HS3ST5: variants seen among roughly 807,000 people sequenced by gnomAD.
The protein encoded by HS3ST5 is heparan sulfate-glucosamine 3-sulfotransferase 5, also known as heparan sulfate glucosamine 3-O-sulfotransferase 5.
HS3ST5 carries 10 observed loss-of-function variants against 25.4 expected under a neutral mutation model. The ratio of observed to expected loss-of-function variants is 0.39; its 90% CI spans 0.24 to 0.67. HS3ST5 has a LOEUF of 0.67. Among genes scored for constraint, HS3ST5 ranks in the 30% least tolerant of loss-of-function variants. HS3ST5 has a pLI of 0.44. For missense variants in HS3ST5, 324 were observed against 420.7 expected (o/e 0.77, Z 2.01); for synonymous variants, 170 against 162.4 (o/e 1.05, Z -0.36).
At chr6:114,176,095 A>G (rs1779711233) in intron 2 of HS3ST5, among the ~76,000 whole-genome samples, 1 of 152,246 alleles carries the variant, frequency 6.6e-6, no homozygotes. Context: ...CACAGTGTAT[A>G]GTCTCCATCA....
At chr6:114,250,883 T>G (rs533379822) in intron 1 of HS3ST5, among the ~76,000 whole-genome samples, 9 of 152,170 alleles carry the variant, frequency 5.9e-5, no homozygotes, top group Non-Finnish European at 1.0e-4. Flanking sequence ...GACTAAAAAG[T>G]TGAGTGTTTA....
chr6:114,223,614 G>A (rs1005333861), intron 2 of HS3ST5, among the ~76,000 whole-genome samples: 8 of 151,718 alleles, frequency 5.3e-5, no homozygotes, highest in Admixed American at 1.3e-4. Context: ...AGGGTAGGGG[G>A]AGTCCAAACA....
At chr6:114,235,586 G>C (rs1771818559) in intron 1 of HS3ST5, 1 of 152,208 alleles carries the variant, frequency 6.6e-6, no homozygotes, top group Admixed American at 6.5e-5. Context: ...GGGAGGGCTA[G>C]ATGAGAGTAG....
intron 3 of HS3ST5, among the ~76,000 whole-genome samples, chr6:114,111,179 A>T (rs1776249113): frequency 1.3e-5 from 2 of 152,222 alleles, no homozygotes; most frequent in Non-Finnish European, 2.9e-5. Flanking sequence ...AGAAACTATA[A>T]ACTTCTCAGT....
In HS3ST5 at chr6:114,146,248, C is replaced by T. The variant is rs11965935; in HGVS notation, c.-33+22103G>A. Among the ~76,000 whole-genome samples the T allele has an allele frequency of 4.7e-3, 720 of 152,250 alleles. 7 individuals are homozygous for T. Among genetic ancestry groups the T allele is most frequent in the African/African-American group, 0.016 (683 of 41,558 alleles). ...ATAGAATATTTGAAATAGAAATCTG[C>T]GAGCACTGTGAAAGAGTACTTTTTG... On this transcript the variant is annotated intron_variant, in intron 3 of 4. Coordinates refer to ENST00000312719, the MANE Select transcript of HS3ST5 (RefSeq NM_153612.4).
chr6:114,177,180 T>C (rs139004658), intron 2 of HS3ST5, among the ~76,000 whole-genome samples: 82 of 151,424 alleles, frequency 5.4e-4, no homozygotes, highest in African/African-American at 1.9e-3. Flanking sequence ...TAATCTTGCA[T>C]TTTTTTTATC....
intron 3 of HS3ST5, among the ~76,000 whole-genome samples, chr6:114,123,404 A>T (rs1010684393): frequency 6.6e-6 from 1 of 152,238 alleles, no homozygotes; most frequent in African/African-American, 2.4e-5. Flanking sequence ...TTGAATGTCC[A>T]AAAGCAATTA....
Position 114,058,091 on chromosome 6 carries a change from GT to G in HS3ST5, c.206del (p.His69ProfsTer30). The part of the protein sequence containing the change: ...RALQFKRGLL[H>X]EFRKGNASKE... ...TGGAAGCGTTGCCCTTCCGGAACTC[GT>G]GCAGCAGGCCACGCTTAAACTGCAG... On this transcript the variant is annotated frameshift_variant, in exon 5 of 5. Coordinates refer to ENST00000312719, the MANE Select transcript of HS3ST5 (RefSeq NM_153612.4). LOFTEE classifies it high-confidence loss of function. 2 of 1,614,138 alleles carry G rather than the reference GT, an allele frequency of 1.2e-6. No homozygotes were observed. Among genetic ancestry groups the G allele is most frequent in the Non-Finnish European group, 1.7e-6 (2 of 1,180,014 alleles).
chr6:114,294,649 G>C (rs1774736824), intron 1 of HS3ST5, among the ~76,000 whole-genome samples: 1 of 151,852 alleles, frequency 6.6e-6, no homozygotes, highest in South Asian at 2.1e-4. Context: ...GTTTCACCGT[G>C]GTCTCCATCT....
intron 3 of HS3ST5, among the ~76,000 whole-genome samples, chr6:114,098,918 T>C (rs1775585970): frequency 6.6e-6 from 1 of 152,158 alleles, no homozygotes; most frequent in Admixed American, 6.5e-5. Flanking sequence ...TGAGCAGTTA[T>C]GAATTTATGC....
intron 2 of HS3ST5, among the ~76,000 whole-genome samples, chr6:114,182,726 C>T (rs1780030146): frequency 1.3e-5 from 2 of 152,140 alleles, no homozygotes. Context: ...ACAGCACATT[C>T]CAGGTGGCAT....
At chr6:114,287,987 T>C (rs570266421) in intron 1 of HS3ST5, among the ~76,000 whole-genome samples, 1 of 152,136 alleles carries the variant, frequency 6.6e-6, no homozygotes, top group African/African-American at 2.4e-5. Flanking sequence ...TGTGTGAAGA[T>C]GTTATTTTAC....
At chr6:114,263,210 T>C (rs1773254959) in intron 1 of HS3ST5, among the ~76,000 whole-genome samples, 1 of 152,184 alleles carries the variant, frequency 6.6e-6, no homozygotes. Flanking sequence ...ATTAGCATTT[T>C]ATTTTGGGAC....
intron 3 of HS3ST5, among the ~76,000 whole-genome samples, chr6:114,069,181 T>C (rs757597558): frequency 6.6e-6 from 1 of 152,198 alleles, no homozygotes; most frequent in Non-Finnish European, 1.5e-5. Flanking sequence ...TGAACTTATA[T>C]AGCAGAATTA....
intron 2 of HS3ST5, among the ~76,000 whole-genome samples, chr6:114,207,107 C>T (rs979848802): frequency 5.9e-5 from 9 of 152,168 alleles, no homozygotes; most frequent in African/African-American, 2.2e-4. Context: ...ATTTATTCCT[C>T]CTACATGGTA....
intron 2 of HS3ST5, among the ~76,000 whole-genome samples, chr6:114,173,325 C>T (rs1039828448): frequency 6.6e-6 from 1 of 152,002 alleles, no homozygotes; most frequent in African/African-American, 2.4e-5. Context: ...ATTATGTCAA[C>T]TTATAGTTGA....
chr6:114,199,036 G>A (rs1226993700), intron 2 of HS3ST5, among the ~76,000 whole-genome samples: 1 of 152,094 alleles, frequency 6.6e-6, no homozygotes, highest in East Asian at 1.9e-4. Context: ...GCACTTCCAA[G>A]ACATAGGGCA....
intron 3 of HS3ST5, among the ~76,000 whole-genome samples, chr6:114,154,183 T>A (rs1313372356): frequency 6.6e-6 from 1 of 152,196 alleles, no homozygotes; most frequent in Non-Finnish European, 1.5e-5. Context: ...GAATGGTTCA[T>A]TTCTTGGCCA....
chr6:114,115,824 T>TG, intron 3 of HS3ST5, among the ~76,000 whole-genome samples: 2 of 152,088 alleles, frequency 1.3e-5, no homozygotes, highest in Non-Finnish European at 2.9e-5. Flanking sequence ...GGTAAGTATT[T>TG]TAGTGTCTCT....
Sources: allele counts gnomAD v4.1 joint callset (sites outside exome capture counted in the v4.1 genomes callset), GRCh38; gene constraint gnomAD v4.1.1; transcripts MANE v1.5; gene names NCBI Gene and HGNC (gene_info 2026-07-23, HGNC 2026-07-21).